Variants in NR2C2 observed in about 807,000 individuals in gnomAD.
The protein encoded by NR2C2 is nuclear receptor subfamily 2 group C member 2, also known as Nuclear hormone receptor TR4.
NR2C2 carries 6 observed loss-of-function variants against 62.9 expected under a neutral mutation model. The ratio of observed to expected loss-of-function variants is 0.10; its 90% CI spans 0.05 to 0.19. NR2C2 has a LOEUF of 0.19. Among genes scored for constraint, NR2C2 ranks in the 10% least tolerant of loss-of-function variants. The pLI is 1.00. For missense variants in NR2C2, 479 were observed against 762.7 expected (o/e 0.63, Z 4.38); for synonymous variants, 272 against 273.8 (o/e 0.99, Z 0.07).
In NR2C2 at chr3:15,016,133, G is replaced by C; in HGVS notation, c.274-19G>C. The C allele has an allele frequency of 6.2e-7, 1 of 1,600,972 alleles. No homozygotes were observed. ...TGATTTTTAATTGGCACCCCTGTTC[G>C]TTTCCTGATTTCTCTCAGATTGTCA... On this transcript the variant is annotated intron_variant, in intron 3 of 13. Transcript: ENST00000425241.
At chr3:14,974,836 T>A (rs1402325741) in intron 1 of NR2C2, among the ~76,000 whole-genome samples, 1 of 152,176 alleles carries the variant, frequency 6.6e-6, no homozygotes, top group Admixed American at 6.5e-5. Flanking sequence ...ACTCCTGACC[T>A]CAAGTGATCT....
chr3:15,038,282 A>G (rs1324310015), intron 12 of NR2C2, 145 bp downstream of exon 12: 3 of 777,628 alleles, frequency 3.9e-6, no homozygotes, highest in Non-Finnish European at 5.8e-6. Context: ...GTTTTGCTAG[A>G]TAAATACATA....
chr3:15,024,874 C>T, intron 7 of NR2C2, among the ~76,000 whole-genome samples: 1 of 152,176 alleles, frequency 6.6e-6, no homozygotes, highest in South Asian at 2.1e-4. Context: ...TTGCTGCAAC[C>T]ATTAGAACCA....
intron 1 of NR2C2, among the ~76,000 whole-genome samples, chr3:14,968,096 A>G (rs1418964053): frequency 6.6e-6 from 1 of 152,248 alleles, no homozygotes; most frequent in Non-Finnish European, 1.5e-5. Context: ...TTCATGTCTA[A>G]AACTCCAAAA....
At chr3:15,003,256 C>T (rs1366744310) in intron 1 of NR2C2, among the ~76,000 whole-genome samples, 1 of 151,968 alleles carries the variant, frequency 6.6e-6, no homozygotes, top group East Asian at 1.9e-4. Flanking sequence ...AGCCACAATA[C>T]ACTTTCTATC....
intron 1 of NR2C2, among the ~76,000 whole-genome samples, chr3:14,959,951 ATTT>A (rs2039645346): frequency 6.6e-6 from 1 of 152,212 alleles, no homozygotes; most frequent in African/African-American, 2.4e-5. Context: ...TAGATAATCC[ATTT>A]TCCAGAACTA....
chr3:15,005,109 C>T (rs1187468582), intron 2 of NR2C2, among the ~76,000 whole-genome samples: 1 of 151,954 alleles, frequency 6.6e-6, no homozygotes. Flanking sequence ...GTTCTGAAGT[C>T]TGCTTTGTCT....
At chr3:15,021,994 C>T (rs1045711956) in intron 5 of NR2C2, among the ~76,000 whole-genome samples, 1 of 152,218 alleles carries the variant, frequency 6.6e-6, no homozygotes, top group African/African-American at 2.4e-5. Context: ...GACTGGCCCA[C>T]ATTGCCAAGC....
At chr3:15,000,091 A>G (rs968784961) in intron 1 of NR2C2, among the ~76,000 whole-genome samples, 1 of 151,784 alleles carries the variant, frequency 6.6e-6, no homozygotes, top group African/African-American at 2.4e-5. Flanking sequence ...TGTATTCGCC[A>G]TGCTGTGCAA....
chr3:15,004,065 T>A (rs2041098306), intron 2 of NR2C2, 79 bp downstream of exon 2: 2 of 1,190,988 alleles, frequency 1.7e-6, no homozygotes. Flanking sequence ...AGGGTTTCAC[T>A]AAAGAGTTGT....
chr3:15,039,023 A>T, intron 12 of NR2C2, 99 bp from the exon 13 acceptor site: 2 of 809,164 alleles, frequency 2.5e-6, no homozygotes, highest in Admixed American at 2.2e-5. Context: ...TGTTGTACTT[A>T]AGAAGTTTGC....
At chr3:14,951,447 T>A (rs538597136) in intron 1 of NR2C2, among the ~76,000 whole-genome samples, 1 of 152,194 alleles carries the variant, frequency 6.6e-6, no homozygotes, top group Non-Finnish European at 1.5e-5. Flanking sequence ...TAAAATAAGA[T>A]ATTGTTATGG....
chr3:15,004,474 A>G (rs972494702), intron 2 of NR2C2: 40 of 1,333,434 alleles, frequency 3.0e-5, no homozygotes, highest in Non-Finnish European at 4.1e-5. Flanking sequence ...ATAATGTTCA[A>G]TATTTACTAA....
intron 8 of NR2C2, 30 bp downstream of exon 8, chr3:15,028,749 T>C (rs374362808): frequency 8.6e-5 from 138 of 1,605,070 alleles, no homozygotes; most frequent in Middle Eastern, 1.7e-4. Flanking sequence ...GAGTCTCCCC[T>C]CCTCGCCTGG....
chr3:14,990,033 G>T (rs1288825607), intron 1 of NR2C2, among the ~76,000 whole-genome samples: 1 of 151,906 alleles, frequency 6.6e-6, no homozygotes, highest in Admixed American at 6.6e-5. Context: ...AGCCCAGGAG[G>T]TCAAGGCTGC....
chr3:15,000,070 CTAT>C (rs2040945112), intron 1 of NR2C2, among the ~76,000 whole-genome samples: 1 of 152,098 alleles, frequency 6.6e-6, no homozygotes, highest in East Asian at 1.9e-4. Flanking sequence ...GTACAATAGG[CTAT>C]TATTAACTGT....
intron 1 of NR2C2, among the ~76,000 whole-genome samples, chr3:14,996,153 A>G (rs909495819): frequency 6.6e-6 from 1 of 152,210 alleles, no homozygotes; most frequent in African/African-American, 2.4e-5. Context: ...TTGAAGCACA[A>G]AAGATTTTAA....
chr3:14,974,341 TC>T (rs977362561), intron 1 of NR2C2, among the ~76,000 whole-genome samples: 1 of 152,232 alleles, frequency 6.6e-6, no homozygotes, highest in African/African-American at 2.4e-5. Flanking sequence ...CTAACTTTGT[TC>T]TTTTTCAAGG....
intron 2 of NR2C2, among the ~76,000 whole-genome samples, chr3:15,006,103 A>T (rs1436954577): frequency 6.6e-6 from 1 of 152,074 alleles, no homozygotes; most frequent in Admixed American, 6.6e-5. Flanking sequence ...GCTACTTGGG[A>T]GGCTTTGGTG....
Sources: gnomAD v4.1 joint callset for allele counts (sites outside exome capture counted in the v4.1 genomes callset) on GRCh38, gnomAD v4.1.1 for gene constraint, MANE v1.5 for transcripts, NCBI Gene and HGNC (gene_info 2026-07-23, HGNC 2026-07-21) for gene names.